The following MEOX2 variants were observed in gnomAD, a reference collection of about 807,000 sequenced individuals.
The protein encoded by MEOX2 is homeobox protein MOX-2.
Under a neutral mutation model 27.0 loss-of-function variants are expected in MEOX2, and 11 were observed. The ratio of observed to expected loss-of-function variants is 0.41; its 90% CI spans 0.26 to 0.68. The LOEUF (loss-of-function observed/expected upper bound fraction) is 0.68. MEOX2 is among the 30% of genes least tolerant of loss of function. The pLI is 0.33. For synonymous variants in MEOX2, 189 were observed against 155.4 expected, an observed-to-expected ratio of 1.22 and a Z score of -1.61; for missense variants, 436 against 385.4, an observed-to-expected ratio of 1.13 and a Z score of -1.10.
intron 1 of MEOX2, among the ~76,000 whole-genome samples, chr7:15,655,792 T>C (rs1484217016): frequency 1.3e-4 from 20 of 151,802 alleles, no homozygotes; most frequent in Non-Finnish European, 8.9e-5. Flanking sequence ...CCTTGATATA[T>C]ACTTAGTGAG....
intron 1 of MEOX2, among the ~76,000 whole-genome samples, chr7:15,648,022 A>C (rs779396509): frequency 1.5e-4 from 23 of 152,096 alleles, no homozygotes; most frequent in Non-Finnish European, 1.3e-4. Context: ...TCTGGCCTTC[A>C]ATATGCTGAA....
chr7:15,663,395 C>T (rs1014263374), intron 1 of MEOX2, among the ~76,000 whole-genome samples: 5 of 151,320 alleles, frequency 3.3e-5, no homozygotes, highest in African/African-American at 4.9e-5. Context: ...CGCAGTGGCA[C>T]GATCTCAGCT....
intron 1 of MEOX2, among the ~76,000 whole-genome samples, chr7:15,661,575 G>A (rs1042675037): frequency 5.9e-5 from 9 of 152,162 alleles, no homozygotes; most frequent in African/African-American, 2.2e-4. Context: ...AAGGAGTGGG[G>A]AGATGAATCA....
chr7:15,660,747 C>T (rs958228460), intron 1 of MEOX2, among the ~76,000 whole-genome samples: 2 of 151,996 alleles, frequency 1.3e-5, no homozygotes, highest in East Asian at 1.9e-4. Context: ...AGGAGCCAGG[C>T]GTGGTGGCTC....
At chr7:15,640,511 C>A (rs1781542722) in intron 1 of MEOX2, among the ~76,000 whole-genome samples, 1 of 152,082 alleles carries the variant, frequency 6.6e-6, no homozygotes, top group South Asian at 2.1e-4. Context: ...AATTTGAATG[C>A]CTTTTGTTTC....
rs927085464 is a variant in MEOX2 at position 15,612,334 on chromosome 7, G to T, written c.*53C>A. 2.1e-6 allele frequency: 3 copies of T among 1,407,310 alleles called. No homozygotes were observed. The highest frequency in any genetic ancestry group is 3.0e-6 in the Non-Finnish European group (3 of 993,848). The allele number at this position is 1,407,310 out of a possible 1,614,324, so 87.2% of individuals were successfully genotyped here. ...TCTGTGTAAACGATATTTGGGTAAG[G>T]CTTGCCATCACAACATTTCTTTCCT... On this transcript the variant is annotated 3_prime_UTR_variant, in exon 3 of 3. Coordinates refer to ENST00000262041, the MANE Select transcript of MEOX2 (RefSeq NM_005924.5).
chr7:15,652,358 G>C (rs920908251), intron 1 of MEOX2, among the ~76,000 whole-genome samples: 1 of 151,812 alleles, frequency 6.6e-6, no homozygotes, highest in African/African-American at 2.4e-5. Context: ...CAAAATGTAC[G>C]TGGCATAAAA....
At chr7:15,684,545 C>T (rs1242979095) in intron 1 of MEOX2, among the ~76,000 whole-genome samples, 2 of 152,098 alleles carry the variant, frequency 1.3e-5, no homozygotes, top group Non-Finnish European at 2.9e-5. Flanking sequence ...AAGAATCCAT[C>T]CTATAGTAAC....
chr7:15,648,396 A>T (rs1781682408), intron 1 of MEOX2, among the ~76,000 whole-genome samples: 1 of 152,142 alleles, frequency 6.6e-6, no homozygotes, highest in Admixed American at 6.6e-5. Context: ...CGGATGAAGG[A>T]ATAAAAAGAA....
chr7:15,614,612 A>G lies in MEOX2; in HGVS notation c.691-2001T>C, dbSNP rs1016806576. ...CTGTGTTCATAAATCAAGTTTCCATATATGCATAGCTTTATTGCTGTATTC... is the reference window on the plus strand; with the variant it reads ...CTGTGTTCATAAATCAAGTTTCCATGTATGCATAGCTTTATTGCTGTATTC... On this transcript the variant is annotated intron_variant, in intron 2 of 2. Coordinates refer to ENST00000262041, the MANE Select transcript of MEOX2 (RefSeq NM_005924.5). 2.0e-5 allele frequency among the ~76,000 whole-genome samples: 3 copies of G among 152,254 alleles called. No individual in the cohort carries two copies. In the East Asian group the frequency reaches 5.8e-4, roughly 29 times the overall value.
intron 1 of MEOX2, among the ~76,000 whole-genome samples, chr7:15,651,930 C>T (rs1404825909): frequency 6.6e-6 from 1 of 152,004 alleles, no homozygotes; most frequent in Non-Finnish European, 1.5e-5. Flanking sequence ...ACTTCCCCAA[C>T]ATAAGACAAC....
In MEOX2 at chr7:15,611,660, A is replaced by G. The variant is rs903561402; in HGVS notation, c.*727T>C. The G allele has an allele frequency of 6.6e-6, 1 of 152,446 alleles. No individual in the cohort carries two copies. The highest frequency in any genetic ancestry group is 2.4e-5 in the African/African-American group (1 of 41,376). 9.4% of individuals were successfully genotyped at this position (152,446 alleles called of 1,614,324 possible). ...GTGGTACAAGAATATGTCCTATCAG[A>G]CTCTACTGTATTTTTCTCTACTTGA... On this transcript the variant is annotated 3_prime_UTR_variant, in exon 3 of 3. Coordinates refer to ENST00000262041, the MANE Select transcript of MEOX2 (RefSeq NM_005924.5).
chr7:15,659,217 T>G (rs1781870176), intron 1 of MEOX2, among the ~76,000 whole-genome samples: 1 of 152,160 alleles, frequency 6.6e-6, no homozygotes, highest in South Asian at 2.1e-4. Context: ...GTCCAAAAAT[T>G]TACTTTAATA....
intron 1 of MEOX2, among the ~76,000 whole-genome samples, chr7:15,670,133 G>C (rs890896003): frequency 2.0e-5 from 3 of 151,902 alleles, no homozygotes; most frequent in Admixed American, 6.6e-5. Flanking sequence ...TTTTAATTGG[G>C]TATCTACAAT....
intron 1 of MEOX2, among the ~76,000 whole-genome samples, chr7:15,684,630 G>T (rs377744878): frequency 6.6e-6 from 1 of 152,106 alleles, no homozygotes; most frequent in Non-Finnish European, 1.5e-5. Context: ...CATTTATGTG[G>T]CATCTTACCT....
intron 1 of MEOX2, chr7:15,681,714 T>C (rs1782294304): frequency 6.6e-6 from 1 of 151,744 alleles, no homozygotes; most frequent in Non-Finnish European, 1.5e-5. Flanking sequence ...TTTCAGTTTA[T>C]TAGTAAAGAT....
chr7:15,648,605 T>C (rs1000984023), intron 1 of MEOX2, among the ~76,000 whole-genome samples: 3 of 151,998 alleles, frequency 2.0e-5, no homozygotes, highest in Non-Finnish European at 2.9e-5. Flanking sequence ...AATGCCATGG[T>C]GCTTCAGGAA....
intron 2 of MEOX2, among the ~76,000 whole-genome samples, chr7:15,626,069 A>T (rs1430160918): frequency 1.3e-5 from 2 of 152,142 alleles, no homozygotes; most frequent in South Asian, 2.1e-4. Flanking sequence ...TCTTGCACCT[A>T]AGCCGCACCA....
intron 1 of MEOX2, among the ~76,000 whole-genome samples, chr7:15,661,547 T>G (rs1349416796): frequency 6.6e-6 from 1 of 152,190 alleles, no homozygotes; most frequent in Non-Finnish European, 1.5e-5. Context: ...ATGCACTTTA[T>G]AAGTGACTGA....
Sources: gnomAD v4.1 joint callset for allele counts (sites outside exome capture counted in the v4.1 genomes callset) on GRCh38, gnomAD v4.1.1 for gene constraint, MANE v1.5 for transcripts, NCBI Gene and HGNC (gene_info 2026-07-23, HGNC 2026-07-21) for gene names.